Variants in CCDC141 observed in about 807,000 individuals in gnomAD.
The protein encoded by CCDC141 is coiled-coil domain containing 141.
A neutral mutation model predicts 181.0 loss-of-function variants in CCDC141; 168 were observed. That is an observed-to-expected ratio of 0.93 (90% CI 0.82 to 1.05). The LOEUF is 1.05. Ranked by LOEUF, CCDC141 falls within the 50% of genes least tolerant of loss-of-function variation. The pLI is 0.00. For synonymous variants in CCDC141, 666 were observed against 642.3 expected (o/e 1.04, Z -0.56); for missense variants, 1,902 against 1,788.5 (o/e 1.06, Z -1.14).
intron 23 of CCDC141, among the ~76,000 whole-genome samples, chr2:178,835,005 TAAAAAC>T (rs1056320676): frequency 3.3e-5 from 5 of 152,078 alleles, no homozygotes; most frequent in African/African-American, 4.8e-5. Context: ...CAGCTACCCC[TAAAAAC>T]AAAAACAAAA....
intron 3 of CCDC141, among the ~76,000 whole-genome samples, chr2:178,976,440 T>C (rs911521400): frequency 6.6e-6 from 1 of 152,206 alleles, no homozygotes; most frequent in Non-Finnish European, 1.5e-5. Context: ...AATCCAATTA[T>C]AAGTGAAACA....
At chr2:178,917,652 T>C (rs911112801) in intron 7 of CCDC141, among the ~76,000 whole-genome samples, 4 of 152,180 alleles carry the variant, frequency 2.6e-5, no homozygotes, top group African/African-American at 9.7e-5. Flanking sequence ...GTATATTACA[T>C]TGGAAAAGGT....
chr2:178,854,581 AGCACTTATG>A (rs1377046665), intron 19 of CCDC141, among the ~76,000 whole-genome samples: 1 of 152,212 alleles, frequency 6.6e-6, no homozygotes, highest in Non-Finnish European at 1.5e-5. Flanking sequence ...TCAGGCCTGA[AGCACTTATG>A]CAGGGTGAGA....
At chr2:178,968,687 C>T (rs758417825) in intron 4 of CCDC141, among the ~76,000 whole-genome samples, 6 of 151,926 alleles carry the variant, frequency 3.9e-5, no homozygotes, top group East Asian at 1.9e-4. Context: ...ACTAGAGAAG[C>T]GACCGCAAAC....
chr2:178,838,813 T>A (rs1319229236), intron 22 of CCDC141, among the ~76,000 whole-genome samples: 1 of 152,224 alleles, frequency 6.6e-6, no homozygotes, highest in Non-Finnish European at 1.5e-5. Flanking sequence ...CAGTACTTCT[T>A]TCTCTGCTTC....
intron 6 of CCDC141, among the ~76,000 whole-genome samples, chr2:178,940,384 A>G (rs1385296294): frequency 3.3e-5 from 5 of 152,244 alleles, no homozygotes; most frequent in Non-Finnish European, 7.3e-5. Context: ...GCAAAAAACA[A>G]TATGAGATCT....
intron 23 of CCDC141, among the ~76,000 whole-genome samples, chr2:178,834,962 A>C (rs907643460): frequency 1.5e-4 from 23 of 152,008 alleles, no homozygotes; most frequent in Non-Finnish European, 2.8e-4. Flanking sequence ...ATCCTTTAAA[A>C]ATTGGAATAT....
chr2:179,025,412 G>C (rs752559963), intron 2 of CCDC141, among the ~76,000 whole-genome samples: 1 of 152,072 alleles, frequency 6.6e-6, no homozygotes, highest in Non-Finnish European at 1.5e-5. Context: ...TGACTCTCAC[G>C]AGATCTGATG....
At chr2:178,968,813 A>G (rs1690749053) in intron 4 of CCDC141, among the ~76,000 whole-genome samples, 1 of 152,110 alleles carries the variant, frequency 6.6e-6, no homozygotes, top group Non-Finnish European at 1.5e-5. Flanking sequence ...GGTGTTTGAA[A>G]AGATCAACAA....
intron 22 of CCDC141, among the ~76,000 whole-genome samples, chr2:178,843,705 C>G (rs1684820639): frequency 6.6e-6 from 1 of 152,164 alleles, no homozygotes. Flanking sequence ...TTAAGGGTAT[C>G]AGAATTGACT....
At chr2:178,881,176 G>A (rs912003346) in intron 11 of CCDC141, among the ~76,000 whole-genome samples, 1 of 149,986 alleles carries the variant, frequency 6.7e-6, no homozygotes. Context: ...GAAGTAGACA[G>A]GATTATTCCA....
chr2:178,948,070 C>T (rs189522369), intron 5 of CCDC141, among the ~76,000 whole-genome samples: 2 of 151,890 alleles, frequency 1.3e-5, no homozygotes, highest in East Asian at 1.9e-4. Context: ...TGTGGTAGCA[C>T]ACACCTGTAG....
At position 179,050,061 on chromosome 2, in the gene CCDC141, AT is replaced by A; in HGVS notation, c.-121del. ...CAGGGAAAGAGCTCAGCTCACACTG[AT>A]TACTCTGCCAAAAGGAAAGAACAGG... On this transcript the variant is annotated 5_prime_UTR_variant, in exon 1 of 24. An upstream open reading frame in the 5' UTR gains an earlier in-frame stop. Coordinates refer to ENST00000443758, the MANE Select transcript of CCDC141 (RefSeq NM_173648.4). 1 of 1,439,318 alleles carries A rather than the reference AT, an allele frequency of 6.9e-7. No individual in the cohort carries two copies. Among genetic ancestry groups the A allele is most frequent in the Admixed American group, 2.4e-5 (1 of 41,212 alleles). The allele number at this position is 1,439,318 out of a possible 1,614,324, so 89.2% of individuals were successfully genotyped here.
intron 2 of CCDC141, among the ~76,000 whole-genome samples, chr2:179,043,665 G>A (rs1022126860): frequency 2.7e-4 from 41 of 152,112 alleles, no homozygotes; most frequent in Admixed American, 2.4e-3. Flanking sequence ...AGGTATTGAA[G>A]GAACATACCT....
chr2:179,047,375 T>C lies in CCDC141; in HGVS notation c.134A>G (p.Glu45Gly). The C allele has an allele frequency of 6.5e-7, 1 of 1,534,278 alleles. No individual in the cohort carries two copies. The highest frequency in any genetic ancestry group is 8.8e-7 in the Non-Finnish European group (1 of 1,142,054). ...CGKWVQLQLA[E>G]SQPNLLEIGS... ...AATTTCTAGAAGATTGGGCTGTGAT[T>C]CAGCCAGTTGAAGTTGTACCCATTT... Residue 45 changes from glutamate to glycine, a missense_variant, in exon 2 of 24, where the codon GAA becomes GGA. Transcript: ENST00000443758.
Position 179,043,204 on chromosome 2 carries a change from GA to G in CCDC141, c.225+4079del. 2.6e-5 allele frequency among the ~76,000 whole-genome samples: 4 copies of G among 152,240 alleles called. No homozygotes were observed. The Middle Eastern group carries it at 0.014, about 518-fold the overall frequency. The stretch of plus-strand genomic sequence containing the variant: ...TTGAATCCTTGAATAGGCCAATAAT[GA>G]GTTCTGAAATTGAGGCAGTAATAAA... On this transcript the variant is annotated intron_variant, in intron 2 of 23. Transcript: ENST00000443758.
At chr2:178,877,938 T>A in intron 12 of CCDC141, 26 bp downstream of exon 12, 1 of 1,587,334 alleles carries the variant, frequency 6.3e-7, no homozygotes, top group South Asian at 1.1e-5. Context: ...CTGCAGAAGG[T>A]GTGATCCATT....
chr2:178,967,666 G>A (rs1233653442), intron 4 of CCDC141, among the ~76,000 whole-genome samples: 5 of 152,104 alleles, frequency 3.3e-5, no homozygotes, highest in African/African-American at 1.2e-4. Context: ...TTGACACTAC[G>A]AAGAAACTGC....
intron 17 of CCDC141, among the ~76,000 whole-genome samples, chr2:178,857,939 C>T (rs1685455461): frequency 6.6e-6 from 1 of 152,096 alleles, no homozygotes; most frequent in Non-Finnish European, 1.5e-5. Flanking sequence ...AAAATAAAGC[C>T]TTTATCTTAT....
Sources: gnomAD v4.1 joint callset for allele counts (sites outside exome capture counted in the v4.1 genomes callset) on GRCh38, gnomAD v4.1.1 for gene constraint, MANE v1.5 for transcripts, NCBI Gene and HGNC (gene_info 2026-07-23, HGNC 2026-07-21) for gene names.